Variants in FGF14 observed in about 807,000 individuals in gnomAD.
FGF14 encodes the protein fibroblast growth factor 14, also known as fibroblast growth factor homologous factor 4.
Under a neutral mutation model 25.5 loss-of-function variants are expected in FGF14, and 5 were observed. That is an observed-to-expected ratio of 0.20 (90% confidence interval 0.10 to 0.41). The LOEUF is 0.41. Among genes scored for constraint, FGF14 ranks in the 10% least tolerant of loss-of-function variants. The pLI, the probability that FGF14 is intolerant of heterozygous loss-of-function variation, is 1.00. For synonymous variants in FGF14, 138 were observed against 118.3 expected, an observed-to-expected ratio of 1.17 and a Z score of -1.08; for missense variants, 222 against 320.1, an observed-to-expected ratio of 0.69 and a Z score of 2.34.
intron 1 of FGF14, among the ~76,000 whole-genome samples, chr13:102,262,501 A>G (rs1228939388): frequency 6.6e-6 from 1 of 152,070 alleles, no homozygotes; most frequent in African/African-American, 2.4e-5. Context: ...TTGGTGGGTA[A>G]TTGTTTATTT....
intron 3 of FGF14, among the ~76,000 whole-genome samples, chr13:101,813,266 A>T (rs1013978249): frequency 3.9e-5 from 6 of 152,138 alleles, no homozygotes; most frequent in African/African-American, 1.4e-4. Context: ...TGTCCTCCAA[A>T]GTTCCCATGT....
chr13:101,962,904 G>A (rs1324646129), intron 1 of FGF14, among the ~76,000 whole-genome samples: 2 of 152,196 alleles, frequency 1.3e-5, no homozygotes, highest in African/African-American at 4.8e-5. Context: ...TAAACTGCTT[G>A]CACCTGCACC....
At chr13:102,134,571 T>G (rs2046329230) in intron 1 of FGF14, among the ~76,000 whole-genome samples, 1 of 152,120 alleles carries the variant, frequency 6.6e-6, no homozygotes, top group African/African-American at 2.4e-5. Context: ...ATCATTTTGG[T>G]GTAGAAATTG....
At chr13:102,161,329 A>T (rs887974211) in intron 1 of FGF14, among the ~76,000 whole-genome samples, 3 of 152,088 alleles carry the variant, frequency 2.0e-5, no homozygotes, top group African/African-American at 7.2e-5. Context: ...AATTATTATC[A>T]TTCTCAAGGG....
At chr13:101,728,203 TC>T (rs2139697840) in intron 3 of FGF14, among the ~76,000 whole-genome samples, 1 of 152,294 alleles carries the variant, frequency 6.6e-6, no homozygotes, top group South Asian at 2.1e-4. Flanking sequence ...CTAATAGTTT[TC>T]CAAGGGGAAC....
intron 1 of FGF14, among the ~76,000 whole-genome samples, chr13:102,213,477 G>A (rs924965131): frequency 6.6e-6 from 1 of 152,158 alleles, no homozygotes; most frequent in Non-Finnish European, 1.5e-5. Flanking sequence ...TGATTTTCAG[G>A]AGTACAGGAA....
At chr13:102,013,658 CTTAA>C (rs1412850246) in intron 1 of FGF14, among the ~76,000 whole-genome samples, 3 of 152,178 alleles carry the variant, frequency 2.0e-5, no homozygotes, top group African/African-American at 7.2e-5. Context: ...ATTTCCTAGG[CTTAA>C]TCAGCCTTCC....
At chr13:102,244,520 C>T (rs1756360522) in intron 1 of FGF14, among the ~76,000 whole-genome samples, 1 of 151,432 alleles carries the variant, frequency 6.6e-6, no homozygotes, top group Admixed American at 6.6e-5. Context: ...AATTTGAAGG[C>T]TTTTGGGGAA....
chr13:102,325,061 A>G (rs1174794400), intron 1 of FGF14, among the ~76,000 whole-genome samples: 1 of 152,142 alleles, frequency 6.6e-6, no homozygotes, highest in South Asian at 2.1e-4. Context: ...AGAGGAAAAG[A>G]TCCTTGCAAT....
In FGF14 at chr13:101,713,646, T is replaced by C. The variant is rs17686597; in HGVS notation, c.*9185A>G. The C allele has an allele frequency of 0.15, 22,624 of 152,222 alleles. 2,076 individuals carry two copies. The highest frequency in any genetic ancestry group is 0.43 in the East Asian group (2,200 of 5,172). 9.4% of individuals were successfully genotyped at this position (152,222 alleles called of 1,614,324 possible). A position where few individuals can be genotyped will look rare whatever the true frequency, so the allele number is the denominator to read the frequency against. ...TGTTTAGACTGAGAGAACTTCTGTC[T>C]TGGATACCATTCATCATCTCATTTA... On this transcript the variant is annotated 3_prime_UTR_variant, in exon 5 of 5. Transcript: ENST00000376143.
intron 1 of FGF14, among the ~76,000 whole-genome samples, chr13:102,215,860 T>C (rs1181526590): frequency 6.6e-6 from 1 of 152,240 alleles, no homozygotes; most frequent in African/African-American, 2.4e-5. Flanking sequence ...TTTCCTCTTC[T>C]TAAAGCACTC....
At chr13:102,319,801 T>C (rs1354156709) in intron 1 of FGF14, among the ~76,000 whole-genome samples, 1 of 152,224 alleles carries the variant, frequency 6.6e-6, no homozygotes, top group African/African-American at 2.4e-5. Flanking sequence ...GGATAGTGAC[T>C]GATATGTGGA....
intron 1 of FGF14, among the ~76,000 whole-genome samples, chr13:101,884,933 G>A (rs926994765): frequency 1.3e-5 from 2 of 152,010 alleles, no homozygotes; most frequent in African/African-American, 4.8e-5. Context: ...CTTCTTAGGG[G>A]CTTGACTATG....
intron 1 of FGF14, among the ~76,000 whole-genome samples, chr13:102,344,536 G>C (rs186833658): frequency 1.2e-3 from 176 of 152,318 alleles, no homozygotes; most frequent in Non-Finnish European, 2.0e-3. Flanking sequence ...TTATCTGTTG[G>C]TTGATTGAGA....
intron 1 of FGF14, among the ~76,000 whole-genome samples, chr13:102,290,161 G>A (rs2054306924): frequency 6.6e-6 from 1 of 152,086 alleles, no homozygotes; most frequent in Non-Finnish European, 1.5e-5. Flanking sequence ...CAAGGTAATG[G>A]GATTACGAAG....
At chr13:101,745,726 G>A (rs1041369767) in intron 3 of FGF14, among the ~76,000 whole-genome samples, 2 of 152,000 alleles carry the variant, frequency 1.3e-5, no homozygotes, top group East Asian at 3.9e-4. Flanking sequence ...TAGATGGTTT[G>A]GAAGAACTTT....
At chr13:101,723,453 G>T (rs1179816519) in intron 4 of FGF14, among the ~76,000 whole-genome samples, 2 of 151,944 alleles carry the variant, frequency 1.3e-5, no homozygotes, top group Non-Finnish European at 2.9e-5. Flanking sequence ...TCTTTCATGT[G>T]GTTCAAAAGC....
At chr13:101,983,362 CTATTAAAATA>C (rs1486744300) in intron 1 of FGF14, among the ~76,000 whole-genome samples, 17 of 152,220 alleles carry the variant, frequency 1.1e-4, no homozygotes, top group Admixed American at 4.6e-4. Context: ...TATTCGTTTA[CTATTAAAATA>C]CTTCCAACAC....
intron 1 of FGF14, among the ~76,000 whole-genome samples, chr13:102,211,837 G>A (rs978816654): frequency 7.2e-5 from 11 of 152,118 alleles, no homozygotes; most frequent in African/African-American, 2.4e-4. Context: ...ACTCTAGATC[G>A]CTTTTCATAC....
Sources: allele counts gnomAD v4.1 joint callset (sites outside exome capture counted in the v4.1 genomes callset), GRCh38; gene constraint gnomAD v4.1.1; transcripts MANE v1.5; gene names NCBI Gene and HGNC (gene_info 2026-07-23, HGNC 2026-07-21).